ALDH1L2: variants seen among roughly 807,000 people sequenced by gnomAD.
ALDH1L2 encodes the protein mitochondrial 10-formyltetrahydrofolate dehydrogenase.
In ALDH1L2, 91 loss-of-function variants were observed where a neutral mutation model predicts 111.0. The ratio of observed to expected loss-of-function variants is 0.82; its 90% CI spans 0.69 to 0.98. The LOEUF (loss-of-function observed/expected upper bound fraction) is 0.98. Ranked by LOEUF, ALDH1L2 falls within the 50% of genes least tolerant of loss-of-function variation. The pLI is 0.00. For synonymous variants in ALDH1L2, 374 were observed against 392.6 expected (o/e 0.95, Z 0.56); for missense variants, 995 against 1,126.8 (o/e 0.88, Z 1.67).
At chr12:105,055,175 G>T (rs1394283020) in intron 10 of ALDH1L2, among the ~76,000 whole-genome samples, 1 of 152,098 alleles carries the variant, frequency 6.6e-6, no homozygotes, top group Non-Finnish European at 1.5e-5. Flanking sequence ...AAGTGTGAAG[G>T]TAAGGCAGAA....
chr12:105,032,751 A>G (rs569886413), intron 19 of ALDH1L2, among the ~76,000 whole-genome samples: 10 of 152,284 alleles, frequency 6.6e-5, no homozygotes, highest in Non-Finnish European at 1.0e-4. Context: ...TCCATTAAGA[A>G]TAGCAAACTA....
chr12:105,049,277 T>A (rs924226661), intron 13 of ALDH1L2, among the ~76,000 whole-genome samples: 3 of 152,196 alleles, frequency 2.0e-5, no homozygotes, highest in African/African-American at 7.2e-5. Context: ...TCGGAAAATC[T>A]TGACTTCAAA....
At chr12:105,030,547 A>G in intron 20 of ALDH1L2, 118 bp from the exon 21 acceptor site, 1 of 711,786 alleles carries the variant, frequency 1.4e-6, no homozygotes. Flanking sequence ...TAAAACCAAG[A>G]AGAGTTGCAT....
chr12:105,071,614 G>GCATA (rs56056622), intron 2 of ALDH1L2, among the ~76,000 whole-genome samples: 1 of 25,264 alleles, frequency 4.0e-5, no homozygotes, highest in Non-Finnish European at 6.5e-5. Context: ...TATATAAGTA[G>GCATA]TATATATATA....
chr12:105,066,426 ATGTCTGGCTACC>A (rs767445822), intron 5 of ALDH1L2, 130 bp downstream of exon 5: 20 of 673,312 alleles, frequency 3.0e-5, no homozygotes, highest in Admixed American at 1.1e-4. Context: ...TCTCCTGCGT[ATGTCTGGCTACC>A]TGTCTACTCT....
At chr12:105,079,322 A>C (rs1378864382) in intron 1 of ALDH1L2, among the ~76,000 whole-genome samples, 1 of 152,260 alleles carries the variant, frequency 6.6e-6, no homozygotes, top group African/African-American at 2.4e-5. Flanking sequence ...ATACCATCCT[A>C]AATGGCAAGC....
At chr12:105,026,440 T>C in intron 22 of ALDH1L2, 105 bp downstream of exon 22, 1 of 1,311,652 alleles carries the variant, frequency 7.6e-7, no homozygotes, top group Non-Finnish European at 1.1e-6. Flanking sequence ...ATAACTGCCA[T>C]GTAGGAAATG....
chr12:105,078,057 G>A (rs545068992), intron 1 of ALDH1L2, among the ~76,000 whole-genome samples: 1 of 151,364 alleles, frequency 6.6e-6, no homozygotes, highest in Non-Finnish European at 1.5e-5. Flanking sequence ...TTCAGGCTTT[G>A]CCACACTCTG....
chr12:105,023,845 TG>T lies in ALDH1L2; in HGVS notation c.*578del. The T allele has an allele frequency of 6.5e-6, 1 of 153,226 alleles. No individual in the cohort carries two copies. Among genetic ancestry groups the T allele is most frequent in the African/African-American group, 2.4e-5 (1 of 41,562 alleles). 9.5% of individuals were successfully genotyped at this position (153,226 alleles called of 1,614,324 possible). A position where few individuals can be genotyped will look rare whatever the true frequency, so the allele number is the denominator to read the frequency against. On this transcript the variant is annotated 3_prime_UTR_variant, in exon 23 of 23. Transcript: ENST00000258494. ...ACTCCTCAGAACATAATATAGTACC[TG>T]GTACCTAGTAGGTACTCAAGATAAT...
intron 10 of ALDH1L2, among the ~76,000 whole-genome samples, chr12:105,057,439 T>C (rs550275408): frequency 1.1e-3 from 167 of 152,300 alleles, no homozygotes; most frequent in South Asian, 2.7e-3. Context: ...AAAACATATG[T>C]TCATGCAAAA....
chr12:105,046,782 C>T lies in ALDH1L2; in HGVS notation c.1791G>A (p.Pro597=), dbSNP rs991489606. ...VCAIIIPWNY[P]LMMLAWKSAA... is the part of the protein sequence containing the mutation. ...CACTCTTCCATGCCAGCATCATCAG[C>T]GGGTAGTTCCAGGGAATAATAATGG... Residue 597 remains proline, a synonymous_variant, in exon 15 of 23, where the codon CCG becomes CCA. Coordinates refer to ENST00000258494, the MANE Select transcript of ALDH1L2 (RefSeq NM_001034173.4). The T allele has an allele frequency of 3.3e-5, 53 of 1,613,984 alleles. No homozygotes were observed. The highest frequency in any genetic ancestry group is 8.0e-5 in the African/African-American group (6 of 74,902).
chr12:105,051,613 C>G (rs1876269007), intron 12 of ALDH1L2, among the ~76,000 whole-genome samples: 1 of 152,088 alleles, frequency 6.6e-6, no homozygotes, highest in African/African-American at 2.4e-5. Flanking sequence ...TGGGACCTGC[C>G]TGATGCAAGC....
intron 1 of ALDH1L2, among the ~76,000 whole-genome samples, chr12:105,075,478 G>A (rs868511484): frequency 1.3e-5 from 2 of 152,126 alleles, no homozygotes; most frequent in East Asian, 3.9e-4. Flanking sequence ...CCAGCTACTC[G>A]GGAGGCTGAG....
rs11112330 is a variant in ALDH1L2, at chr12:105,040,689, C to T, written c.1869G>A (p.Thr623=). ...NTLVLKPAQV[T]PLTALKFAEL... is the part of the protein sequence containing the mutation. ...CTGCAAACTTCAAAGCAGTCAAGGGCGTGACCTGAGGAGAAGCAAACAGCA... is the reference window on the plus strand; with the variant it reads ...CTGCAAACTTCAAAGCAGTCAAGGGTGTGACCTGAGGAGAAGCAAACAGCA... Residue 623 remains threonine, a synonymous_variant, in exon 16 of 23, where the codon ACG becomes ACA. Transcript: ENST00000258494. 0.37 allele frequency: 593,327 copies of T among 1,613,114 alleles called. 113,044 individuals are homozygous for T. Among genetic ancestry groups the T allele is most frequent in the South Asian group, 0.53 (47,854 of 91,060 alleles).
chr12:105,028,068 C>T (rs748684994), intron 21 of ALDH1L2, among the ~76,000 whole-genome samples: 7 of 152,132 alleles, frequency 4.6e-5, no homozygotes, highest in Non-Finnish European at 4.4e-5. Context: ...TAAAAACGCA[C>T]ACATTTTCTA....
chr12:105,028,884 A>G (rs1314829161), intron 21 of ALDH1L2, among the ~76,000 whole-genome samples: 4 of 152,230 alleles, frequency 2.6e-5, no homozygotes, highest in African/African-American at 9.6e-5. Context: ...TTATTTGCTC[A>G]CTGCAATGCT....
intron 4 of ALDH1L2, among the ~76,000 whole-genome samples, chr12:105,067,993 C>T (rs988454790): frequency 6.6e-6 from 1 of 152,182 alleles, no homozygotes; most frequent in African/African-American, 2.4e-5. Context: ...GGCTAAGCGA[C>T]TTGCCTGTGG....
chr12:105,062,600 A>T (rs1877067701), intron 7 of ALDH1L2, among the ~76,000 whole-genome samples: 1 of 152,228 alleles, frequency 6.6e-6, no homozygotes, highest in African/African-American at 2.4e-5. Context: ...CTCTGTTATA[A>T]AGATGGCAAA....
intron 3 of ALDH1L2, 174 bp downstream of exon 3, chr12:105,070,396 T>G: frequency 3.3e-6 from 2 of 610,824 alleles, no homozygotes; most frequent in East Asian, 2.8e-5. Flanking sequence ...TGAAATACAC[T>G]CACCCTCTGT....
Sources: gnomAD v4.1 joint callset for allele counts (sites outside exome capture counted in the v4.1 genomes callset) on GRCh38, gnomAD v4.1.1 for gene constraint, MANE v1.5 for transcripts, NCBI Gene and HGNC (gene_info 2026-07-23, HGNC 2026-07-21) for gene names.